Variants in TNPO1 observed in about 807,000 individuals in gnomAD.
TNPO1 encodes the protein transportin-1.
A neutral mutation model predicts 119.5 loss-of-function variants in TNPO1; 8 were observed. That is an observed-to-expected ratio of 0.07 (90% CI 0.04 to 0.12). The LOEUF is 0.12. Among genes scored for constraint, TNPO1 ranks in the 10% least tolerant of loss-of-function variants. The pLI is 1.00. For missense variants in TNPO1, 576 were observed against 1,089.8 expected, an observed-to-expected ratio of 0.53 and a Z score of 6.64; for synonymous variants, 362 against 363.0, an observed-to-expected ratio of 1.00 and a Z score of 0.03.
chr5:72,873,979 G>A (rs1216300525), intron 7 of TNPO1, among the ~76,000 whole-genome samples: 2 of 151,618 alleles, frequency 1.3e-5, no homozygotes, highest in African/African-American at 4.8e-5. Context: ...TTTAATAAAG[G>A]GGACAATGAT....
intron 18 of TNPO1, 32 bp from the exon 19 acceptor site, chr5:72,896,426 A>G: frequency 6.6e-7 from 1 of 1,519,010 alleles, no homozygotes; most frequent in Non-Finnish European, 9.1e-7. Context: ...GCTATTGAAA[A>G]GTTTACTACA....
intron 3 of TNPO1, among the ~76,000 whole-genome samples, chr5:72,852,059 C>A (rs1046813361): frequency 6.6e-6 from 1 of 152,140 alleles, no homozygotes; most frequent in African/African-American, 2.4e-5. Context: ...TCAATTATAT[C>A]CTTCTCTGCT....
intron 2 of TNPO1, among the ~76,000 whole-genome samples, chr5:72,850,198 G>A (rs1745440001): frequency 6.6e-6 from 1 of 152,068 alleles, no homozygotes; most frequent in Non-Finnish European, 1.5e-5. Flanking sequence ...TTGAAAGACC[G>A]CTATAATAGG....
chr5:72,879,642 G>A (rs578009484), intron 9 of TNPO1, among the ~76,000 whole-genome samples: 13 of 152,250 alleles, frequency 8.5e-5, no homozygotes, highest in African/African-American at 3.1e-4. Context: ...TTACAGCCAT[G>A]GGCCACGGTA....
chr5:72,848,777 C>T (rs918190734), intron 2 of TNPO1, among the ~76,000 whole-genome samples: 76 of 148,140 alleles, frequency 5.1e-4, no homozygotes, highest in African/African-American at 1.7e-3. Flanking sequence ...CCCCCGGCCG[C>T]CGCCCGGGAT....
intron 1 of TNPO1, among the ~76,000 whole-genome samples, chr5:72,839,276 A>T (rs1744815527): frequency 6.6e-6 from 1 of 152,172 alleles, no homozygotes; most frequent in African/African-American, 2.4e-5. Flanking sequence ...AGAAGAGTTT[A>T]CTTTTATGAA....
At chr5:72,835,327 T>G (rs2112201708) in intron 1 of TNPO1, among the ~76,000 whole-genome samples, 1 of 152,372 alleles carries the variant, frequency 6.6e-6, no homozygotes, top group Non-Finnish European at 1.5e-5. Context: ...CCTGCCTTTG[T>G]CTGTTGCTGT....
chr5:72,858,741 G>A (rs1020272123), intron 4 of TNPO1, among the ~76,000 whole-genome samples: 2 of 151,962 alleles, frequency 1.3e-5, no homozygotes, highest in Admixed American at 1.3e-4. Context: ...GGAGGCTGAG[G>A]CAGGAGAATG....
chr5:72,865,166 G>A (rs1746786377), intron 5 of TNPO1, among the ~76,000 whole-genome samples: 1 of 152,058 alleles, frequency 6.6e-6, no homozygotes, highest in African/African-American at 2.4e-5. Context: ...ATTAGAGCGG[G>A]CATGGTGGCC....
At chr5:72,897,179 A>G (rs886137635) in intron 20 of TNPO1, 28 bp downstream of exon 20, 13 of 1,530,416 alleles carry the variant, frequency 8.5e-6, no homozygotes, top group Non-Finnish European at 1.2e-5. Flanking sequence ...TGTTTCAGTG[A>G]AGAGAAAATT....
At chr5:72,886,032 G>A (rs927672748) in intron 11 of TNPO1, among the ~76,000 whole-genome samples, 2 of 151,960 alleles carry the variant, frequency 1.3e-5, no homozygotes, top group Admixed American at 1.3e-4. Context: ...CATTTATGAG[G>A]GCAGAACCCT....
Position 72,838,875 on chromosome 5 carries a change from A to G in TNPO1, c.16-9510A>G, listed in dbSNP as rs1266974282. 2.0e-5 allele frequency among the ~76,000 whole-genome samples: 3 copies of G among 152,164 alleles called. No homozygotes were observed. The East Asian group carries it at 5.8e-4, about 29-fold the overall frequency. ...AATTTTTGGCAAGTGACTTAATATC[A>G]CTGAGACAGTTTCCTTAACTCACAG... On this transcript the variant is annotated intron_variant, in intron 1 of 24. Transcript: ENST00000337273.
At chr5:72,842,584 A>G (rs1482595616) in intron 1 of TNPO1, among the ~76,000 whole-genome samples, 1 of 152,218 alleles carries the variant, frequency 6.6e-6, no homozygotes, top group East Asian at 1.9e-4. Context: ...CTCTCTGTGA[A>G]ACAGGACTGC....
intron 1 of TNPO1, chr5:72,816,970 C>A (rs1462277610): frequency 1.4e-5 from 7 of 511,432 alleles, no homozygotes; most frequent in Non-Finnish European, 1.7e-5. Context: ...GAGCAGGCGA[C>A]GGCGGCTCCT....
At chr5:72,887,263 T>G (rs771963285) in intron 12 of TNPO1, 41 bp downstream of exon 12, 6 of 1,171,104 alleles carry the variant, frequency 5.1e-6, no homozygotes, top group Middle Eastern at 1.9e-4. Context: ...GTTGGCTTCT[T>G]ACTACTATTA....
intron 23 of TNPO1, among the ~76,000 whole-genome samples, chr5:72,904,801 C>T (rs558120418): frequency 1.8e-4 from 28 of 152,038 alleles, no homozygotes; most frequent in Admixed American, 1.8e-3. Flanking sequence ...CTGTCCCCGC[C>T]ACACACACAA....
chr5:72,898,434 A>G (rs1004084166), intron 20 of TNPO1, among the ~76,000 whole-genome samples: 1 of 152,084 alleles, frequency 6.6e-6, no homozygotes, highest in Non-Finnish European at 1.5e-5. Context: ...CCTAAAGTTG[A>G]TGGATTAAAT....
intron 6 of TNPO1, among the ~76,000 whole-genome samples, chr5:72,868,431 CAAAAAAAAAAAAAAAAAA>C (rs200691585): frequency 3.7e-5 from 1 of 27,058 alleles, no homozygotes. Flanking sequence ...GACTCCGTCT[CAAAAAAAAAAAAAAAAAA>C]AAAAAAAAAA....
At chr5:72,870,697 C>A (rs1008757483) in intron 6 of TNPO1, among the ~76,000 whole-genome samples, 7 of 152,078 alleles carry the variant, frequency 4.6e-5, no homozygotes, top group African/African-American at 1.7e-4. Flanking sequence ...CCTAACTGTT[C>A]CCAAGTTTCT....
Sources: allele counts gnomAD v4.1 joint callset (sites outside exome capture counted in the v4.1 genomes callset), GRCh38; gene constraint gnomAD v4.1.1; transcripts MANE v1.5; gene names NCBI Gene and HGNC (gene_info 2026-07-23, HGNC 2026-07-21).